The following PLA2G4C variants were observed in gnomAD, a reference collection of about 807,000 sequenced individuals.
PLA2G4C encodes the protein cytosolic phospholipase A2 gamma.
A neutral mutation model predicts 73.8 loss-of-function variants in PLA2G4C; 64 were observed. That is an observed-to-expected ratio of 0.87 (90% CI 0.71 to 1.07). The LOEUF is 1.07. Ranked by LOEUF, PLA2G4C falls within the 50% of genes least tolerant of loss-of-function variation. PLA2G4C has a pLI of 0.00. For synonymous variants in PLA2G4C, 254 were observed against 252.1 expected (o/e 1.01, Z -0.07); for missense variants, 622 against 665.4 (o/e 0.93, Z 0.72).
At chr19:48,096,005 T>C (rs2031549644) in intron 6 of PLA2G4C, among the ~76,000 whole-genome samples, 1 of 151,950 alleles carries the variant, frequency 6.6e-6, no homozygotes, top group Admixed American at 6.6e-5. Context: ...GGGAAGAAAA[T>C]GACATGATCA....
intron 6 of PLA2G4C, chr19:48,097,241 TTTC>T (rs1170646022): frequency 8.7e-6 from 1 of 114,806 alleles, no homozygotes; most frequent in African/African-American, 3.9e-5. Context: ...TCTTTACTTT[TTTC>T]TTTTTTCTTT....
intron 12 of PLA2G4C, among the ~76,000 whole-genome samples, chr19:48,069,528 T>C (rs547721477): frequency 6.6e-6 from 1 of 152,222 alleles, no homozygotes; most frequent in Admixed American, 6.6e-5. Context: ...TCAGTGTCTC[T>C]GCTCCTCCCA....
chr19:48,103,734 A>G (rs1322790995), intron 4 of PLA2G4C, among the ~76,000 whole-genome samples: 1 of 152,154 alleles, frequency 6.6e-6, no homozygotes, highest in Non-Finnish European at 1.5e-5. Context: ...GCTGTATTCT[A>G]TCCACCTGCA....
intron 16 of PLA2G4C, among the ~76,000 whole-genome samples, chr19:48,048,663 T>C (rs1338225815): frequency 6.6e-6 from 1 of 152,220 alleles, no homozygotes; most frequent in Admixed American, 6.5e-5. Context: ...CTCTTTGGCC[T>C]ACATCGAATG....
intron 14 of PLA2G4C, among the ~76,000 whole-genome samples, chr19:48,057,637 G>A (rs1430923634): frequency 3.3e-5 from 5 of 149,960 alleles, no homozygotes; most frequent in African/African-American, 9.8e-5. Flanking sequence ...TTACAGGCAC[G>A]TGCCACCATG....
At chr19:48,085,308 G>A (rs1282386590) in intron 9 of PLA2G4C, among the ~76,000 whole-genome samples, 196 bp from the exon 10 acceptor site, 1 of 152,176 alleles carries the variant, frequency 6.6e-6, no homozygotes, top group Non-Finnish European at 1.5e-5. Context: ...GAATAGAGCA[G>A]TAAACAAGAC....
intron 9 of PLA2G4C, among the ~76,000 whole-genome samples, chr19:48,088,106 G>C (rs924790254): frequency 8.6e-5 from 13 of 152,034 alleles, no homozygotes; most frequent in African/African-American, 1.2e-4. Flanking sequence ...CATCAAACCA[G>C]TCAATAAAAT....
intron 14 of PLA2G4C, among the ~76,000 whole-genome samples, chr19:48,058,051 C>A (rs999781348): frequency 1.3e-5 from 2 of 151,740 alleles, no homozygotes; most frequent in Admixed American, 1.3e-4. Context: ...GTAATCCCAG[C>A]ACTTTGGGAG....
In PLA2G4C at chr19:48,110,552, G is replaced by GGCTTGGGCTCCGGAATCCGGTGCGGAT; in HGVS notation, c.-99_-98insATCCGCACCGGATTCCGGAGCCCAAGC. On this transcript the variant is annotated 5_prime_UTR_variant, in exon 1 of 17. Coordinates refer to ENST00000599921, the MANE Select transcript of PLA2G4C (RefSeq NM_003706.3). ...CTTGTGCTCCGGAATCCGGTGCGGA[G>GGCTTGGGCTCCGGAATCCGGTGCGGAT]GCTTGGGCTCCCTGCGCTTAGCGGT... 2.6e-6 allele frequency: 4 copies of GGCTTGGGCTCCGGAATCCGGTGCGGAT among 1,514,392 alleles called. No homozygotes were observed. Among genetic ancestry groups the GGCTTGGGCTCCGGAATCCGGTGCGGAT allele is most frequent in the Non-Finnish European group, 3.5e-6 (4 of 1,133,780 alleles). The allele number at this position is 1,514,392 out of a possible 1,614,324, so 93.8% of individuals were successfully genotyped here.
intron 14 of PLA2G4C, among the ~76,000 whole-genome samples, chr19:48,058,708 C>T (rs954459268): frequency 6.6e-6 from 1 of 151,346 alleles, no homozygotes; most frequent in African/African-American, 2.4e-5. Flanking sequence ...ATCCCAGCTA[C>T]TCAGGAGGCT....
intron 12 of PLA2G4C, among the ~76,000 whole-genome samples, chr19:48,071,869 C>T (rs947960652): frequency 6.6e-6 from 1 of 152,056 alleles, no homozygotes; most frequent in African/African-American, 2.4e-5. Flanking sequence ...AAGAATTGGC[C>T]GGGCACAGTG....
Position 48,095,511 on chromosome 19 carries a change from C to T in PLA2G4C, c.662G>A (p.Gly221Glu). ...CTCAGGGTGAGTTCTGACCAGTCTT[C>T]CCTTCTTGAATTTGCTTCCGAAGTG... ...ITHFGSKFKK[G>E]RLVRTHPERD... Residue 221 changes from glycine (G) to glutamate (E), a missense_variant, in exon 7 of 17, where the codon GGA becomes GAA. Coordinates refer to ENST00000599921, the MANE Select transcript of PLA2G4C (RefSeq NM_003706.3). 1 of 1,614,112 alleles carries T rather than the reference C, an allele frequency of 6.2e-7. No individual in the cohort carries two copies. Among genetic ancestry groups the T allele is most frequent in the South Asian group, 1.1e-5 (1 of 91,084 alleles).
chr19:48,058,508 A>G (rs978281294), intron 14 of PLA2G4C, among the ~76,000 whole-genome samples: 2 of 152,152 alleles, frequency 1.3e-5, no homozygotes, highest in African/African-American at 2.4e-5. Flanking sequence ...ATTTACTGTC[A>G]TAAGTACCTT....
chr19:48,079,550 G>C (rs2030402065), intron 10 of PLA2G4C, among the ~76,000 whole-genome samples: 1 of 151,990 alleles, frequency 6.6e-6, no homozygotes, highest in African/African-American at 2.4e-5. Flanking sequence ...TTGCATCAAA[G>C]ACTTAAATAT....
chr19:48,074,966 C>T, intron 11 of PLA2G4C, 92 bp from the exon 12 acceptor site: 1 of 803,104 alleles, frequency 1.2e-6, no homozygotes, highest in Non-Finnish European at 2.0e-6. Flanking sequence ...TCTGCAATGC[C>T]CTGCGGTTCC....
At chr19:48,097,215 T>G (rs1469192060) in intron 6 of PLA2G4C, 1 of 97,762 alleles carries the variant, frequency 1.0e-5, no homozygotes, top group African/African-American at 3.9e-5. Flanking sequence ...CCTTCAAACA[T>G]CCCTTATTAC....
chr19:48,106,763 A>AT, intron 1 of PLA2G4C: 1 of 565,070 alleles, frequency 1.8e-6, no homozygotes, highest in Non-Finnish European at 3.2e-6. Context: ...TGGGAGAAAT[A>AT]TTTCAAGCGC....
At position 48,106,691 on chromosome 19, in the gene PLA2G4C, C is replaced by T. The variant is rs2032253355; in HGVS notation, c.-32-130G>A. ...ACTGCCCAGACAAAACCAATGCGAACAGCAGGTGTTGCAGCAAAGAGAGAG... is the reference window on the plus strand; with the variant it reads ...ACTGCCCAGACAAAACCAATGCGAATAGCAGGTGTTGCAGCAAAGAGAGAG... On this transcript the variant is annotated intron_variant, in intron 1 of 16. Coordinates refer to ENST00000599921, the MANE Select transcript of PLA2G4C (RefSeq NM_003706.3). 16 of 680,420 alleles carry T rather than the reference C, an allele frequency of 2.4e-5. No homozygotes were observed. In the Admixed American group the frequency reaches 3.5e-4, roughly 15 times the overall value. The allele number at this position is 680,420 out of a possible 1,614,324, so 42.1% of individuals were successfully genotyped here.
Position 48,048,007 on chromosome 19 carries a change from G to T in PLA2G4C, c.*336C>A. The T allele has an allele frequency of 3.0e-6, 1 of 328,334 alleles. No individual in the cohort carries two copies. The highest frequency in any genetic ancestry group is 5.5e-6 in the Non-Finnish European group (1 of 180,908). The allele number at this position is 328,334 out of a possible 1,614,324, so 20.3% of individuals were successfully genotyped here. On this transcript the variant is annotated 3_prime_UTR_variant, in exon 17 of 17. Transcript: ENST00000599921. The stretch of plus-strand genomic sequence containing the variant: ...GAAGTGCAGTCATAAAGGAGCAGTG[G>T]AAGGCATTGGTCTGAACTATCACAT...
Sources: allele counts gnomAD v4.1 joint callset (sites outside exome capture counted in the v4.1 genomes callset), GRCh38; gene constraint gnomAD v4.1.1; transcripts MANE v1.5; gene names NCBI Gene and HGNC (gene_info 2026-07-23, HGNC 2026-07-21).